Variants in MTA2 observed in about 807,000 individuals in gnomAD.
MTA2 encodes metastasis associated 1 family member 2.
MTA2 carries 22 observed loss-of-function variants against 87.1 expected under a neutral mutation model. The ratio of observed to expected loss-of-function variants is 0.25; its 90% CI spans 0.18 to 0.36. The LOEUF (loss-of-function observed/expected upper bound fraction) is 0.36. Among genes scored for constraint, MTA2 ranks in the 10% least tolerant of loss-of-function variants. The pLI is 1.00. For missense variants in MTA2, 542 were observed against 853.2 expected, an observed-to-expected ratio of 0.64 and a Z score of 4.54; for synonymous variants, 314 against 310.1, an observed-to-expected ratio of 1.01 and a Z score of -0.13.
rs1311806092 is a variant in MTA2 at position 62,593,343 on chromosome 11, A to G, written c.*532T>C. On this transcript the variant is annotated 3_prime_UTR_variant, in exon 18 of 18. Transcript: ENST00000278823. ...GCAGAGGGGGAGGGGAGGGAAGGAA[A>G]GAGCGAGCGTGGCCTGGGGTTGATG... is the stretch of plus-strand genomic sequence containing the variant. 4 of 151,486 alleles carry G rather than the reference A, an allele frequency of 2.6e-5. No individual in the cohort carries two copies. The highest frequency in any genetic ancestry group is 9.7e-5 in the African/African-American group (4 of 41,070). The allele number at this position is 151,486 out of a possible 1,614,324, so 9.4% of individuals were successfully genotyped here. A position where few individuals can be genotyped will look rare whatever the true frequency, so the allele number is the denominator to read the frequency against.
At chr11:62,598,872 G>A (rs1246864064) in intron 3 of MTA2, among the ~76,000 whole-genome samples, 4 of 152,090 alleles carry the variant, frequency 2.6e-5, no homozygotes, top group Non-Finnish European at 5.9e-5. Context: ...CTGAGAGTAC[G>A]AAGAATGCTC....
intron 8 of MTA2, 51 bp downstream of exon 8, chr11:62,597,265 C>G: frequency 7.6e-7 from 1 of 1,309,808 alleles, no homozygotes; most frequent in African/African-American, 1.5e-5. Flanking sequence ...CCAGGCTCTG[C>G]AAGTCCCCAG....
Position 62,595,192 on chromosome 11 carries a change from T to A in MTA2, c.1483+72A>T, listed in dbSNP as rs1942080466. The A allele has an allele frequency of 5.2e-6, 8 of 1,547,782 alleles. No individual in the cohort carries two copies. Among genetic ancestry groups the A allele is most frequent in the Non-Finnish European group, 7.1e-6 (8 of 1,124,488 alleles). On this transcript the variant is annotated intron_variant, in intron 14 of 17. Coordinates refer to ENST00000278823, the MANE Select transcript of MTA2 (RefSeq NM_004739.4). This position sits in a 1 kb window ranked among gnomAD's most constrained non-coding sequence, Gnocchi z 4.9. ...CTACTATCCCTCCTGTTATTAGACA[T>A]CCAGAGAAACAACGGTCTCTGGGCA...
At chr11:62,600,539 T>C in intron 2 of MTA2, 83 bp downstream of exon 2, 3 of 1,295,242 alleles carry the variant, frequency 2.3e-6, no homozygotes, top group Non-Finnish European at 2.2e-6. Flanking sequence ...GTACTTAGTA[T>C]AGGATCCTCT....
chr11:62,594,828 A>G (rs1942075947), intron 15 of MTA2, among the ~76,000 whole-genome samples, 153 bp downstream of exon 15: 1 of 152,224 alleles, frequency 6.6e-6, no homozygotes, highest in Non-Finnish European at 1.5e-5. Context: ...AATACTGAAT[A>G]GTTTACAAAA....
At chr11:62,600,742 G>A in intron 1 of MTA2, 53 bp from the exon 2 acceptor site, 1 of 1,523,714 alleles carries the variant, frequency 6.6e-7, no homozygotes. Flanking sequence ...GATGGGAGAC[G>A]CAGAGCACCA....
intron 3 of MTA2, 120 bp from the exon 4 acceptor site, chr11:62,598,759 G>GC (rs1942133782): frequency 2.3e-6 from 2 of 879,582 alleles, no homozygotes; most frequent in South Asian, 3.1e-5. Context: ...CATTTCCCAG[G>GC]CGTCTGCCTT....
chr11:62,595,139 C>A lies in MTA2; in HGVS notation c.1484-69G>T. ...GGTCTCCTCTAAGGCCAGAAGCCAA[C>A]TCTAATCTTAAAAAAATTATCTGTG... On this transcript the variant is annotated intron_variant, in intron 14 of 17. Coordinates refer to ENST00000278823, the MANE Select transcript of MTA2 (RefSeq NM_004739.4). The surrounding 1 kb of genome is among the most constrained non-coding windows in gnomAD (Gnocchi z 4.9). 1 of 1,558,882 alleles carries A rather than the reference C, an allele frequency of 6.4e-7. No homozygotes were observed. The highest frequency in any genetic ancestry group is 8.8e-7 in the Non-Finnish European group (1 of 1,138,844).
chr11:62,600,976 C>A (rs1942181146), intron 1 of MTA2: 1 of 489,512 alleles, frequency 2.0e-6, no homozygotes, highest in Non-Finnish European at 3.6e-6. Context: ...ATGAGTTGCA[C>A]CCCAGTCGCG....
chr11:62,594,318 C>A lies in MTA2; in HGVS notation c.1782G>T (p.Gln594His). 3 of 1,614,230 alleles carry A rather than the reference C, an allele frequency of 1.9e-6. No homozygotes were observed. The highest frequency in any genetic ancestry group is 2.5e-6 in the Non-Finnish European group (3 of 1,180,044). The change falls in exon 17 of 18, where the codon CAG becomes CAT. Residue 594 changes from glutamine (Q) to histidine (H), a missense_variant. This residue lies in a region of MTA2 where 269 missense variants were observed against 346.4 expected (regional missense o/e 0.78). Coordinates refer to ENST00000278823, the MANE Select transcript of MTA2 (RefSeq NM_004739.4). ...TGGGGGCATCAGCTGGGTTTAGTTT[C>A]TGACGCTTGGCTGCTGGCTGTGAGC... ...RSSSQPAAKR[Q>H]KLNPADAPNP...
intron 2 of MTA2, 25 bp downstream of exon 2, chr11:62,600,597 G>A (rs375780094): frequency 3.0e-4 from 485 of 1,606,020 alleles, no homozygotes; most frequent in Non-Finnish European, 4.0e-4. Flanking sequence ...GCGGGAGGGA[G>A]GGAGAGGGAT....
chr11:62,594,624 T>TACCAGG lies in MTA2; in HGVS notation c.1583_1584insCCTGGT (p.Ala528_Pro529insLeuVal). On this transcript the variant is annotated inframe_insertion, in exon 16 of 18. Transcript: ENST00000278823. Reference sequence around the variant, plus strand: ...CCCGAGGTGTTTTTGGTTTCAGGGGTGCCTGGGCCACTGGAAAAAAACAGA... The same window carrying TACCAGG: ...CCCGAGGTGTTTTTGGTTTCAGGGGTACCAGGGCCTGGGCCACTGGAAAAAAACAGA... The TACCAGG allele has an allele frequency of 6.2e-7, 1 of 1,613,394 alleles. No homozygotes were observed. The highest frequency in any genetic ancestry group is 8.5e-7 in the Non-Finnish European group (1 of 1,179,812).
chr11:62,594,489 C>A (rs566724831), intron 16 of MTA2, 27 bp downstream of exon 16: 10 of 1,612,784 alleles, frequency 6.2e-6, no homozygotes, highest in East Asian at 4.5e-5. Flanking sequence ...CCAACTCAAT[C>A]TGGCCCACCC....
intron 2 of MTA2, 167 bp from the exon 3 acceptor site, chr11:62,600,426 TC>T: frequency 1.2e-6 from 1 of 805,862 alleles, no homozygotes; most frequent in Non-Finnish European, 2.0e-6. Flanking sequence ...GACTTCCAAA[TC>T]CCTTTCCTTT....
At chr11:62,600,832 G>A (rs1381104813) in intron 1 of MTA2, 143 bp from the exon 2 acceptor site, 1 of 652,216 alleles carries the variant, frequency 1.5e-6, no homozygotes, top group Non-Finnish European at 2.6e-6. Flanking sequence ...TGTGAAAGTG[G>A]ACAGACTAAG....
At chr11:62,599,295 C>G (rs1942142547) in intron 3 of MTA2, 1 of 152,588 alleles carries the variant, frequency 6.6e-6, no homozygotes, top group Non-Finnish European at 1.5e-5. Context: ...TTCCCAACCT[C>G]AGGGAGAAGG....
chr11:62,601,403 T>A lies in MTA2; in HGVS notation c.28+20A>T, dbSNP rs1395873211. On this transcript the variant is annotated intron_variant, in intron 1 of 17. Coordinates refer to ENST00000278823, the MANE Select transcript of MTA2 (RefSeq NM_004739.4). Reference sequence around the variant, plus strand: ...AACCTCTCCCGCCCCGGGCCCCGTATCCCTGCGCCCGGTACTCACCTCCCA... The same window carrying A: ...AACCTCTCCCGCCCCGGGCCCCGTAACCCTGCGCCCGGTACTCACCTCCCA... 3.1e-6 allele frequency: 5 copies of A among 1,609,594 alleles called. No individual in the cohort carries two copies. The highest frequency in any genetic ancestry group is 1.7e-6 in the Non-Finnish European group (2 of 1,178,256).
intron 15 of MTA2, 54 bp from the exon 16 acceptor site, chr11:62,594,688 G>A (rs981773342): frequency 8.0e-6 from 12 of 1,506,920 alleles, no homozygotes; most frequent in African/African-American, 1.4e-5. Context: ...GTTCCCCTTT[G>A]TTACTTCCAT....
chr11:62,597,672 C>A lies in MTA2; in HGVS notation c.531G>T (p.Lys177Asn). 8 of 1,614,174 alleles carry A rather than the reference C, an allele frequency of 5.0e-6. No homozygotes were observed. The highest frequency in any genetic ancestry group is 6.8e-6 in the Non-Finnish European group (8 of 1,180,044). ...TGAGAGGGTTGTCTGGGTCCCAGAC[C>A]TTCATCTCCATCTTCTGCTGGTTCC... is the stretch of plus-strand genomic sequence containing the variant. ...DNRNQQKMEM[K>N]VWDPDNPLTD... The change falls in exon 7 of 18, where the codon AAG becomes AAT. Residue 177 changes from lysine (K) to asparagine (N), a missense_variant. Coordinates refer to ENST00000278823, the MANE Select transcript of MTA2 (RefSeq NM_004739.4).
Sources: allele counts gnomAD v4.1 joint callset (sites outside exome capture counted in the v4.1 genomes callset), GRCh38; gene constraint gnomAD v4.1.1; regional missense constraint gnomAD v4.1.1; non-coding constraint Gnocchi (gnomAD v3.1); transcripts MANE v1.5; gene names NCBI Gene and HGNC (gene_info 2026-07-23, HGNC 2026-07-21).